The following BRINP1 variants were observed in gnomAD, a reference collection of about 807,000 sequenced individuals.
BRINP1 encodes the protein BMP/retinoic acid inducible neural specific 1.
In BRINP1, 17 loss-of-function variants were observed where a neutral mutation model predicts 72.9. That is an observed-to-expected ratio of 0.23 (90% CI 0.16 to 0.35). The LOEUF (loss-of-function observed/expected upper bound fraction) is 0.35. Among genes scored for constraint, BRINP1 ranks in the 10% least tolerant of loss-of-function variants. The pLI is 1.00. For missense variants in BRINP1, 850 were observed against 1,001.6 expected, an observed-to-expected ratio of 0.85 and a Z score of 2.04; for synonymous variants, 418 against 378.5, an observed-to-expected ratio of 1.10 and a Z score of -1.21.
At chr9:119,282,863 T>C in intron 2 of BRINP1, 2 of 985,370 alleles carry the variant, frequency 2.0e-6, no homozygotes, top group Non-Finnish European at 2.4e-6. Flanking sequence ...ATAGATTACC[T>C]CTTACGGTTG....
intron 7 of BRINP1, among the ~76,000 whole-genome samples, chr9:119,170,295 T>C (rs1466855019): frequency 7.9e-5 from 12 of 152,014 alleles, no homozygotes; most frequent in South Asian, 2.1e-4. Flanking sequence ...AAGGAGCTGA[T>C]GGAGCTGAAA....
chr9:119,361,043 A>C (rs1324606065), intron 1 of BRINP1, among the ~76,000 whole-genome samples: 2 of 152,186 alleles, frequency 1.3e-5, no homozygotes, highest in Admixed American at 6.6e-5. Context: ...CTGCAAACTG[A>C]GAACAAAATT....
intron 1 of BRINP1, among the ~76,000 whole-genome samples, chr9:119,352,679 T>C (rs1831518101): frequency 1.3e-5 from 2 of 152,232 alleles, no homozygotes; most frequent in Admixed American, 1.3e-4. Context: ...AGTGCTGGGA[T>C]TACAGGCGTG....
chr9:119,243,077 G>C (rs1466165241), intron 3 of BRINP1, among the ~76,000 whole-genome samples: 1 of 151,118 alleles, frequency 6.6e-6, no homozygotes, highest in Non-Finnish European at 1.5e-5. Flanking sequence ...TTTAAGTTCT[G>C]GGGTACATGT....
At chr9:119,177,500 C>T (rs1363968778) in intron 7 of BRINP1, among the ~76,000 whole-genome samples, 1 of 152,148 alleles carries the variant, frequency 6.6e-6, no homozygotes, top group Non-Finnish European at 1.5e-5. Flanking sequence ...TTTCACATGG[C>T]CCACACTTGC....
At position 119,167,481 on chromosome 9, in the gene BRINP1, C is replaced by T. The variant is rs151087333; in HGVS notation, c.1889G>A (p.Arg630Gln). ...RSRTRLPTLL[R>Q]NETGQGPVDL... ...CACGGGGCCCTGGCCAGTCTCATTT[C>T]GCAGTAGGGTAGGTAGCCGAGTCCG... is the stretch of plus-strand genomic sequence containing the variant. Residue 630 changes from arginine (R) to glutamine (Q), a missense_variant, in exon 8 of 8, where the codon CGA (arginine) becomes CAA (glutamine). Transcript: ENST00000265922. The surrounding 1 kb of genome is among the most constrained non-coding windows in gnomAD (Gnocchi z 4.3). 2.7e-5 allele frequency: 43 copies of T among 1,613,984 alleles called. No homozygotes were observed. Among genetic ancestry groups the T allele is most frequent in the Middle Eastern group, 1.6e-4 (1 of 6,084 alleles).
intron 2 of BRINP1, among the ~76,000 whole-genome samples, chr9:119,271,964 G>A (rs1212618567): frequency 6.6e-6 from 1 of 151,730 alleles, no homozygotes; most frequent in Non-Finnish European, 1.5e-5. Flanking sequence ...GCCTCCCAAA[G>A]TGGTAGGATT....
intron 5 of BRINP1, among the ~76,000 whole-genome samples, chr9:119,236,510 CTAAGA>C (rs1327716234): frequency 1.3e-5 from 2 of 152,158 alleles, no homozygotes; most frequent in Non-Finnish European, 2.9e-5. Context: ...CTAAATGTCC[CTAAGA>C]TCTCAGTAAT....
chr9:119,215,620 G>A (rs568857151), intron 5 of BRINP1, among the ~76,000 whole-genome samples: 1 of 152,200 alleles, frequency 6.6e-6, no homozygotes, highest in Non-Finnish European at 1.5e-5. Flanking sequence ...TCTATTCACA[G>A]TTGTTTCTAG....
intron 2 of BRINP1, among the ~76,000 whole-genome samples, chr9:119,258,740 G>C (rs1045654560): frequency 6.6e-6 from 1 of 152,102 alleles, no homozygotes; most frequent in African/African-American, 2.4e-5. Context: ...CCATTTTCTT[G>C]ACTTTGTGGG....
At chr9:119,282,441 T>C (rs780516033) in intron 2 of BRINP1, among the ~76,000 whole-genome samples, 33 of 152,130 alleles carry the variant, frequency 2.2e-4, no homozygotes, top group Non-Finnish European at 3.5e-4. Context: ...TGGCATCTGA[T>C]CATTAAAGGT....
chr9:119,232,600 T>C (rs1391715139), intron 5 of BRINP1, among the ~76,000 whole-genome samples: 1 of 152,158 alleles, frequency 6.6e-6, no homozygotes, highest in Non-Finnish European at 1.5e-5. Context: ...TCAAAATGAT[T>C]CATTTATCTT....
intron 3 of BRINP1, among the ~76,000 whole-genome samples, chr9:119,246,249 G>C (rs1008059551): frequency 2.0e-4 from 30 of 152,184 alleles, no homozygotes; most frequent in African/African-American, 7.2e-4. Flanking sequence ...GTGTGTCTGT[G>C]AGGGTGTTGC....
chr9:119,262,478 A>G (rs1830505922), intron 2 of BRINP1, among the ~76,000 whole-genome samples: 2 of 151,786 alleles, frequency 1.3e-5, no homozygotes, highest in Non-Finnish European at 2.9e-5. Context: ...CTAAAAATAA[A>G]AAAATAAAAT....
intron 4 of BRINP1, among the ~76,000 whole-genome samples, chr9:119,239,232 A>G (rs1258182604): frequency 6.6e-6 from 1 of 152,210 alleles, no homozygotes; most frequent in African/African-American, 2.4e-5. Context: ...GGCACATGGC[A>G]TGTGTTCCAT....
At chr9:119,291,979 C>G (rs1197808453) in intron 2 of BRINP1, among the ~76,000 whole-genome samples, 1 of 152,004 alleles carries the variant, frequency 6.6e-6, no homozygotes, top group Non-Finnish European at 1.5e-5. Context: ...AGAAAACAAT[C>G]TTAGAAAAAA....
At chr9:119,243,162 C>T (rs922502146) in intron 3 of BRINP1, among the ~76,000 whole-genome samples, 1 of 152,052 alleles carries the variant, frequency 6.6e-6, no homozygotes, top group African/African-American at 2.4e-5. Context: ...AAACCCATCA[C>T]CTAAGTATTA....
intron 4 of BRINP1, among the ~76,000 whole-genome samples, chr9:119,241,063 G>A (rs1830243354): frequency 1.3e-5 from 2 of 152,178 alleles, no homozygotes; most frequent in African/African-American, 4.8e-5. Flanking sequence ...TGTTTAAAAT[G>A]GAATCTTGTT....
chr9:119,354,906 CCA>C (rs1345871088), intron 1 of BRINP1, among the ~76,000 whole-genome samples: 2 of 152,020 alleles, frequency 1.3e-5, no homozygotes, highest in Non-Finnish European at 2.9e-5. Flanking sequence ...TGACAAATTT[CCA>C]GTTTTTATAG....
Sources: gnomAD v4.1 joint callset for allele counts (sites outside exome capture counted in the v4.1 genomes callset) on GRCh38, gnomAD v4.1.1 for gene constraint, Gnocchi (gnomAD v3.1) non-coding constraint, MANE v1.5 for transcripts, NCBI Gene and HGNC (gene_info 2026-07-23, HGNC 2026-07-21) for gene names.